DAB1: variants seen among roughly 807,000 people sequenced by gnomAD.
DAB1 encodes disabled homolog 1.
Under a neutral mutation model 64.6 loss-of-function variants are expected in DAB1, and 15 were observed. The observed-to-expected ratio is 0.23, with a 90% CI of 0.16 to 0.36. DAB1 has a LOEUF of 0.36. Ranked by LOEUF, DAB1 falls within the 10% of genes least tolerant of loss-of-function variation. The probability of loss-of-function intolerance (pLI) is 1.00; values close to 1 mark genes in which losing one functional copy is unlikely to be tolerated. For missense variants in DAB1, 596 were observed against 706.7 expected, an observed-to-expected ratio of 0.84 and a Z score of 1.78; for synonymous variants, 235 against 251.9, an observed-to-expected ratio of 0.93 and a Z score of 0.64.
chr1:57,283,132 C>T (rs1672047195), intron 2 of DAB1, among the ~76,000 whole-genome samples: 1 of 152,202 alleles, frequency 6.6e-6, no homozygotes, highest in Non-Finnish European at 1.5e-5. Context: ...CTTATGTATT[C>T]AATGGGATGA....
At chr1:57,882,852 T>C (rs1297553698) in intron 1 of DAB1, among the ~76,000 whole-genome samples, 1 of 152,124 alleles carries the variant, frequency 6.6e-6, no homozygotes, top group Non-Finnish European at 1.5e-5. Context: ...CTGTGGTAGC[T>C]ACTATAATGG....
intron 5 of DAB1, among the ~76,000 whole-genome samples, chr1:58,082,388 A>T (rs1442677264): frequency 6.6e-6 from 1 of 151,892 alleles, no homozygotes; most frequent in Non-Finnish European, 1.5e-5. Flanking sequence ...ATTACAGAGC[A>T]TTGGAGAAAG....
chr1:58,202,347 G>T (rs1275155622), intron 4 of DAB1, among the ~76,000 whole-genome samples: 1 of 152,196 alleles, frequency 6.6e-6, no homozygotes, highest in East Asian at 1.9e-4. Flanking sequence ...CCCTCATGAT[G>T]TAAGTATTAT....
chr1:57,429,518 C>A (rs1453170872), intron 7 of DAB1, among the ~76,000 whole-genome samples: 1 of 152,166 alleles, frequency 6.6e-6, no homozygotes, highest in Non-Finnish European at 1.5e-5. Context: ...TCTACTTTCA[C>A]TTTTGTTGCC....
intron 1 of DAB1, among the ~76,000 whole-genome samples, chr1:57,300,708 A>C (rs1203331107): frequency 6.6e-6 from 1 of 152,176 alleles, no homozygotes; most frequent in Non-Finnish European, 1.5e-5. Context: ...CAACCCAAGG[A>C]GGCCCGAAGA....
At chr1:57,196,231 T>G (rs1009402135) in intron 2 of DAB1, among the ~76,000 whole-genome samples, 13 of 152,238 alleles carry the variant, frequency 8.5e-5, no homozygotes, top group African/African-American at 3.1e-4. Context: ...TGCATAAAGC[T>G]GTTTTTAAGA....
At chr1:58,086,870 C>G (rs948258770) in intron 5 of DAB1, among the ~76,000 whole-genome samples, 1 of 152,022 alleles carries the variant, frequency 6.6e-6, no homozygotes, top group Non-Finnish European at 1.5e-5. Context: ...GCTCTTCTTC[C>G]CCTTCCTCCT....
chr1:57,947,605 A>G (rs940407852), intron 5 of DAB1, among the ~76,000 whole-genome samples: 10 of 152,182 alleles, frequency 6.6e-5, no homozygotes, highest in African/African-American at 2.4e-4. Flanking sequence ...AAACACTGGT[A>G]TAGTCCAGTT....
intron 4 of DAB1, among the ~76,000 whole-genome samples, chr1:58,321,491 G>T (rs760437648): frequency 6.6e-6 from 1 of 152,344 alleles, no homozygotes; most frequent in South Asian, 2.1e-4. Flanking sequence ...GGGGTCGGGA[G>T]ATTTCCTTTT....
intron 4 of DAB1, among the ~76,000 whole-genome samples, chr1:58,323,452 C>T (rs573982110): frequency 6.6e-6 from 1 of 152,126 alleles, no homozygotes; most frequent in South Asian, 2.1e-4. Context: ...TCACCAAGAA[C>T]CTGTGTAGTT....
chr1:57,537,647 T>C lies in DAB1; in HGVS notation n.625+111945A>G, dbSNP rs76282498. ...TTTACCCCAGTGCTTATCATATGCA[T>C]TTTGATTTCCATGAAGAGGTACTTC... On this transcript the variant is annotated intron_variant and non_coding_transcript_variant, in intron 7 of 20. Transcript: ENST00000485760. Among the ~76,000 whole-genome samples, 1,284 of 152,266 alleles carry C rather than the reference T, an allele frequency of 8.4e-3. 14 individuals carry two copies. Among genetic ancestry groups the C allele is most frequent in the African/African-American group, 0.028 (1,179 of 41,544 alleles).
intron 7 of DAB1, among the ~76,000 whole-genome samples, chr1:57,513,585 A>C (rs1388216060): frequency 1.3e-5 from 2 of 152,222 alleles, no homozygotes; most frequent in Non-Finnish European, 2.9e-5. Flanking sequence ...AAAATTGCGT[A>C]TATTTATGCT....
intron 6 of DAB1, among the ~76,000 whole-genome samples, chr1:57,817,941 G>A (rs541041374): frequency 4.4e-4 from 67 of 152,188 alleles, no homozygotes; most frequent in Middle Eastern, 3.4e-3. Context: ...GCTTCAATGC[G>A]TCCTCAGAAA....
At chr1:57,470,907 A>T (rs1030753514) in intron 7 of DAB1, among the ~76,000 whole-genome samples, 1 of 152,198 alleles carries the variant, frequency 6.6e-6, no homozygotes, top group Admixed American at 6.5e-5. Flanking sequence ...TTGAATACAG[A>T]TTTCAGTTCT....
intron 5 of DAB1, among the ~76,000 whole-genome samples, chr1:57,992,740 T>C (rs1646364280): frequency 6.6e-6 from 1 of 152,124 alleles, no homozygotes; most frequent in Admixed American, 6.6e-5. Context: ...GCTTGAATCC[T>C]TGTGGTGGTG....
intron 4 of DAB1, among the ~76,000 whole-genome samples, chr1:57,114,825 G>A (rs544124568): frequency 1.1e-4 from 17 of 152,272 alleles, no homozygotes; most frequent in African/African-American, 4.1e-4. Flanking sequence ...AAGACCTGGT[G>A]GTCATGACAA....
chr1:58,006,017 A>G (rs142428969), intron 5 of DAB1, among the ~76,000 whole-genome samples: 13 of 152,246 alleles, frequency 8.5e-5, no homozygotes, highest in African/African-American at 2.6e-4. Flanking sequence ...TCCCCAATTA[A>G]CACAGCAGTG....
At chr1:57,358,379 TG>T (rs1383020490) in intron 1 of DAB1, among the ~76,000 whole-genome samples, 1 of 152,100 alleles carries the variant, frequency 6.6e-6, no homozygotes, top group Non-Finnish European at 1.5e-5. Flanking sequence ...TTTTGTCAAA[TG>T]CTTTTTGTGC....
chr1:57,254,937 T>C (rs1032978538), intron 2 of DAB1, among the ~76,000 whole-genome samples: 3 of 152,144 alleles, frequency 2.0e-5, no homozygotes, highest in African/African-American at 7.2e-5. Context: ...TGTCAAGTCC[T>C]TAAACATTAA....
Sources: allele counts gnomAD v4.1 joint callset (sites outside exome capture counted in the v4.1 genomes callset), GRCh38; gene constraint gnomAD v4.1.1; transcripts MANE v1.5; gene names NCBI Gene and HGNC (gene_info 2026-07-23, HGNC 2026-07-21).